Variants in UNC13C observed in about 807,000 individuals in gnomAD.
UNC13C encodes unc-13 homolog C.
A neutral mutation model predicts 245.4 loss-of-function variants in UNC13C; 174 were observed. The ratio of observed to expected loss-of-function variants is 0.71; its 90% CI spans 0.63 to 0.80. UNC13C has a LOEUF of 0.80. UNC13C is among the 30% of genes least tolerant of loss of function. The pLI is 0.00. For synonymous variants in UNC13C, 992 were observed against 895.1 expected (o/e 1.11, Z -1.93); for missense variants, 2,829 against 2,602.9 (o/e 1.09, Z -1.89).
intron 28 of UNC13C, among the ~76,000 whole-genome samples, chr15:54,553,207 A>C (rs1428841012): frequency 1.7e-5 from 2 of 115,162 alleles, no homozygotes; most frequent in Non-Finnish European, 3.3e-5. Context: ...TGTATTCTAT[A>C]TTACAATATA....
At chr15:54,513,065 G>A (rs1255366242) in intron 24 of UNC13C, among the ~76,000 whole-genome samples, 2 of 152,078 alleles carry the variant, frequency 1.3e-5, no homozygotes, top group African/African-American at 2.4e-5. Context: ...TCCCTAAAGT[G>A]TGTTAATGCT....
At chr15:54,235,136 G>GA (rs747066326) in intron 5 of UNC13C, 28 bp downstream of exon 5, 1 of 1,596,656 alleles carries the variant, frequency 6.3e-7, no homozygotes, top group Non-Finnish European at 8.6e-7. Context: ...AATTCTCTTC[G>GA]ATTGCATGTG....
rs140488942 is a variant in UNC13C at position 54,059,756 on chromosome 15, T to C, written c.2983+43870T>C. ...AGTAATCAAAACAGCATGGTACTGG[T>C]ACCAAAATAGAGATATAGACCAATG... is the stretch of plus-strand genomic sequence containing the variant. On this transcript the variant is annotated intron_variant, in intron 2 of 32. Coordinates refer to ENST00000260323, the MANE Select transcript of UNC13C (RefSeq NM_001080534.3). Among the ~76,000 whole-genome samples the C allele has an allele frequency of 1.2e-3, 184 of 152,278 alleles. 9 individuals carry two copies. In the East Asian group the frequency reaches 0.035, roughly 29 times the overall value.
rs1390313063 is a variant in UNC13C at position 54,485,031 on chromosome 15, A to G, written c.4934-9577A>G. 2.0e-5 allele frequency among the ~76,000 whole-genome samples: 3 copies of G among 152,062 alleles called. No individual in the cohort carries two copies. The East Asian group carries it at 5.8e-4, about 29-fold the overall frequency. ...TTTTTTTGTTTTATCAACAATTCTTAGCAAAAAAATTTACTGACACAATCA... is the reference window on the plus strand; with the variant it reads ...TTTTTTTGTTTTATCAACAATTCTTGGCAAAAAAATTTACTGACACAATCA... On this transcript the variant is annotated intron_variant, in intron 19 of 32. Transcript: ENST00000260323.
chr15:54,088,308 G>A (rs1409950268), intron 2 of UNC13C, among the ~76,000 whole-genome samples: 1 of 142,544 alleles, frequency 7.0e-6, no homozygotes, highest in African/African-American at 2.6e-5. Context: ...TCACTCCCCC[G>A]ACATCCTTGT....
chr15:54,054,089 G>C (rs1897392635), intron 2 of UNC13C, among the ~76,000 whole-genome samples: 1 of 152,158 alleles, frequency 6.6e-6, no homozygotes, highest in Admixed American at 6.5e-5. Context: ...GTAAACATGG[G>C]AGTGCAGATA....
chr15:54,614,430 T>C (rs192316271), intron 30 of UNC13C, among the ~76,000 whole-genome samples: 1 of 152,096 alleles, frequency 6.6e-6, no homozygotes, highest in East Asian at 1.9e-4. Context: ...CCTGAAAATA[T>C]GTAACTTTCC....
intron 13 of UNC13C, among the ~76,000 whole-genome samples, chr15:54,306,150 G>A (rs1286691425): frequency 1.3e-5 from 2 of 151,896 alleles, no homozygotes; most frequent in Non-Finnish European, 1.5e-5. Context: ...GTGCTCCAAG[G>A]TACCTCCAGC....
intron 19 of UNC13C, among the ~76,000 whole-genome samples, chr15:54,491,401 T>C (rs1056072578): frequency 6.6e-6 from 1 of 152,114 alleles, no homozygotes; most frequent in African/African-American, 2.4e-5. Context: ...TTGTACGTAA[T>C]AGCAGTTATA....
At chr15:54,605,994 T>A (rs1395659997) in intron 30 of UNC13C, among the ~76,000 whole-genome samples, 1 of 152,226 alleles carries the variant, frequency 6.6e-6, no homozygotes, top group Non-Finnish European at 1.5e-5. Flanking sequence ...GCCAAAGGCA[T>A]CCGTGTGTAA....
At chr15:54,487,891 A>T (rs545893781) in intron 19 of UNC13C, among the ~76,000 whole-genome samples, 1 of 151,574 alleles carries the variant, frequency 6.6e-6, no homozygotes, top group African/African-American at 2.4e-5. Context: ...ATTGGTCCAG[A>T]TGATTTTTCC....
At chr15:54,380,622 G>C (rs767667309) in intron 17 of UNC13C, among the ~76,000 whole-genome samples, 1 of 148,164 alleles carries the variant, frequency 6.7e-6, no homozygotes, top group African/African-American at 2.4e-5. Flanking sequence ...ACCAACACGT[G>C]TTATCTTTTG....
intron 28 of UNC13C, among the ~76,000 whole-genome samples, 172 bp from the exon 29 acceptor site, chr15:54,555,260 G>C (rs1017924562): frequency 8.6e-5 from 13 of 152,034 alleles, no homozygotes; most frequent in South Asian, 2.1e-4. Flanking sequence ...TCCTTTGACA[G>C]AGAGGAGATT....
rs182941409 is a variant in UNC13C, at chr15:54,602,718, C to T, written c.6107-19609C>T. ...TTTGCCAGTCACCCCAGAAGTTCCT[C>T]CATACGTCTCATCAGTCACAGCCCC... On this transcript the variant is annotated intron_variant, in intron 30 of 32. Transcript: ENST00000260323. Among the ~76,000 whole-genome samples the T allele has an allele frequency of 1.9e-3, 294 of 152,280 alleles. 1 individual carries two copies. The highest frequency in any genetic ancestry group is 6.9e-3 in the African/African-American group (288 of 41,550).
chr15:54,327,693 G>A (rs1211523076), intron 14 of UNC13C, among the ~76,000 whole-genome samples: 1 of 152,060 alleles, frequency 6.6e-6, no homozygotes, highest in African/African-American at 2.4e-5. Flanking sequence ...TGATAGTGGG[G>A]AGGTTGATCA....
the UNC13C span, among the ~76,000 whole-genome samples, chr15:53,875,287 A>G: frequency 6.6e-6 from 1 of 152,204 alleles, no homozygotes; most frequent in Non-Finnish European, 1.5e-5. Context: ...TTACTATGCC[A>G]TCCTGGGGTG....
intron 18 of UNC13C, among the ~76,000 whole-genome samples, chr15:54,412,807 T>G (rs997399750): frequency 6.6e-6 from 1 of 152,190 alleles, no homozygotes; most frequent in Admixed American, 6.5e-5. Flanking sequence ...TAACAGAATT[T>G]AGGAACTCCA....
chr15:54,439,639 T>C (rs1319955604), intron 19 of UNC13C, among the ~76,000 whole-genome samples: 1 of 151,906 alleles, frequency 6.6e-6, no homozygotes, highest in East Asian at 1.9e-4. Flanking sequence ...ATACAAAGTC[T>C]CAAGTTTTTT....
chr15:54,533,951 T>A (rs904920645), intron 26 of UNC13C, among the ~76,000 whole-genome samples: 2 of 152,212 alleles, frequency 1.3e-5, no homozygotes, highest in East Asian at 3.9e-4. Context: ...ACCAGTGTCA[T>A]ATATGTTAGT....
Sources: gnomAD v4.1 joint callset for allele counts (sites outside exome capture counted in the v4.1 genomes callset) on GRCh38, gnomAD v4.1.1 for gene constraint, MANE v1.5 for transcripts, NCBI Gene and HGNC (gene_info 2026-07-23, HGNC 2026-07-21) for gene names.